ZNF230: variants seen among roughly 807,000 people sequenced by gnomAD.
ZNF230 encodes zinc finger protein FDZF2.
ZNF230 carries 12 observed loss-of-function variants against 10.0 expected under a neutral mutation model. That is an observed-to-expected ratio of 1.20 (90% confidence interval 0.77 to 1.95). The LOEUF is 1.95. ZNF230 is among the 30% of genes most tolerant of loss of function. The pLI is 0.00. For synonymous variants in ZNF230, 174 were observed against 193.6 expected (o/e 0.90, Z 0.84); for missense variants, 532 against 565.8 (o/e 0.94, Z 0.61).
chr19:44,006,022 A>G (rs1252502096), intron 1 of ZNF230, among the ~76,000 whole-genome samples: 1 of 150,984 alleles, frequency 6.6e-6, no homozygotes, highest in Non-Finnish European at 1.5e-5. Flanking sequence ...GAAAGATTCC[A>G]CAGTCTTTGT....
intron 4 of ZNF230, 90 bp from the exon 5 acceptor site, chr19:44,010,179 A>AAGTTGAATGC (rs546172321): frequency 1.4e-3 from 1,760 of 1,230,052 alleles, no homozygotes; most frequent in Admixed American, 2.6e-3. Context: ...ACATTCATTA[A>AAGTTGAATGC]AGTTGAATGC....
In ZNF230 at chr19:44,011,395, C is replaced by T; in HGVS notation, c.1356C>T (p.Asp452=). The change falls in exon 5 of 5, where the codon GAC becomes GAT. Residue 452 remains aspartate, a synonymous_variant. Coordinates refer to ENST00000429154, the MANE Select transcript of ZNF230 (RefSeq NM_006300.4). ...GAGAAAACTCATCCAAATGTGAGGA[C>T]TGTGGGAAGCGCTACAAGAGGCGCT... ...HNGENSSKCE[D]CGKRYKRRLN... 1 of 1,612,954 alleles carries T rather than the reference C, an allele frequency of 6.2e-7. No individual in the cohort carries two copies. The highest frequency in any genetic ancestry group is 8.5e-7 in the Non-Finnish European group (1 of 1,179,760).
chr19:44,010,529 G>A lies in ZNF230; in HGVS notation c.490G>A (p.Gly164Arg), dbSNP rs1288214072. The A allele has an allele frequency of 6.2e-6, 10 of 1,614,232 alleles. No individual in the cohort carries two copies. In the South Asian group the frequency reaches 9.9e-5, roughly 16 times the overall value. Residue 164 changes from glycine to arginine, a missense_variant, in exon 5 of 5, where the codon GGA becomes AGA. Physicochemically the swap from Gly to Arg is moderately radical, Grantham distance 125 (BLOSUM62 -2). Coordinates refer to ENST00000429154, the MANE Select transcript of ZNF230 (RefSeq NM_006300.4). ...IFDPPQQFHSGEKSHTCNECG... is the reference protein window; with the variant it reads ...IFDPPQQFHSREKSHTCNECG... ...TGATCCTCCTCAGCAGTTCCACTCA[G>A]GAGAGAAGTCTCATACATGCAATGA...
At chr19:44,005,109 G>A (rs1403793903) in intron 1 of ZNF230, among the ~76,000 whole-genome samples, 2 of 144,010 alleles carry the variant, frequency 1.4e-5, no homozygotes, top group African/African-American at 2.6e-5. Flanking sequence ...GCTAGGGAGC[G>A]AGACTCTGTC....
At chr19:44,005,141 A>C (rs904574700) in intron 1 of ZNF230, among the ~76,000 whole-genome samples, 1 of 152,130 alleles carries the variant, frequency 6.6e-6, no homozygotes, top group Non-Finnish European at 1.5e-5. Flanking sequence ...AAAATTAAAA[A>C]CTAAAAACAA....
chr19:44,012,651 C>T lies in ZNF230; in HGVS notation c.*1187C>T, dbSNP rs191458694. ...CCACTAGAATGTCAACTACAGGTAC[C>T]TTGTTTTCTGCATCCTCAGGACCTT... is the stretch of plus-strand genomic sequence containing the variant. On this transcript the variant is annotated 3_prime_UTR_variant, in exon 5 of 5. Transcript: ENST00000429154. 5.1e-4 allele frequency: 180 copies of T among 351,692 alleles called. 1 individual carries two copies. The highest frequency in any genetic ancestry group is 7.9e-4 in the Non-Finnish European group (141 of 179,180). The allele number at this position is 351,692 out of a possible 1,614,324, so 21.8% of individuals were successfully genotyped here.
chr19:44,006,288 T>C (rs1208005901), intron 1 of ZNF230, among the ~76,000 whole-genome samples: 3 of 152,166 alleles, frequency 2.0e-5, no homozygotes, highest in African/African-American at 7.2e-5. Context: ...TAAAGTTACC[T>C]TTTTTAAAAA....
intron 2 of ZNF230, among the ~76,000 whole-genome samples, chr19:44,008,072 T>C (rs1422701809): frequency 6.6e-6 from 1 of 152,126 alleles, no homozygotes; most frequent in Non-Finnish European, 1.5e-5. Flanking sequence ...CTAGAGTGGG[T>C]GGAGTCACGA....
intron 1 of ZNF230, among the ~76,000 whole-genome samples, chr19:44,005,686 C>T (rs889671117): frequency 1.3e-5 from 2 of 151,928 alleles, no homozygotes; most frequent in East Asian, 3.9e-4. Flanking sequence ...GTCAGGAGTT[C>T]GAGACCAGCC....
At position 44,010,723 on chromosome 19, in the gene ZNF230, A is replaced by G. The variant is rs13345807; in HGVS notation, c.684A>G (p.Gln228=). The change falls in exon 5 of 5, where the codon CAA becomes CAG. Residue 228 remains glutamine, a synonymous_variant. Transcript: ENST00000429154. ...HTGEKPFKCE[Q]CGKGFRCRAI... ...GAGAGAAACCATTCAAATGTGAGCA[A>G]TGTGGGAAAGGCTTCAGATGTAGAG... is the stretch of plus-strand genomic sequence containing the variant. The G allele has an allele frequency of 9.6e-3, 15,427 of 1,614,172 alleles. 1,283 individuals are homozygous for G. The African/African-American group carries it at 0.18, about 19-fold the overall frequency.
chr19:44,010,547 T>G lies in ZNF230; in HGVS notation c.508T>G (p.Cys170Gly), dbSNP rs73554168. 223 of 1,614,244 alleles carry G rather than the reference T, an allele frequency of 1.4e-4. 1 individual carries two copies. In the African/African-American group the frequency reaches 2.2e-3, roughly 16 times the overall value. Residue 170 changes from cysteine (C) to glycine (G), a missense_variant, in exon 5 of 5, where the codon TGC (cysteine) becomes GGC (glycine). By Grantham distance (159) the Cys-to-Gly change is radical. Transcript: ENST00000429154. ...CCACTCAGGAGAGAAGTCTCATACA[T>G]GCAATGAGTGTGGAAAAAGCTTCTG... ...QFHSGEKSHT[C>G]NECGKSFCYI...
At chr19:44,005,656 C>T (rs781192367) in intron 1 of ZNF230, among the ~76,000 whole-genome samples, 24 of 151,996 alleles carry the variant, frequency 1.6e-4, no homozygotes, top group Non-Finnish European at 3.2e-4. Context: ...TGGGAGGCAA[C>T]GGCGGGTGGA....
intron 4 of ZNF230, 151 bp downstream of exon 4, chr19:44,009,321 C>T (rs2147425464): frequency 3.6e-6 from 3 of 824,380 alleles, no homozygotes; most frequent in South Asian, 3.7e-5. Context: ...GTCCTGTTCC[C>T]TCCCTTCCAC....
At position 44,013,605 on chromosome 19, in the gene ZNF230, C is replaced by T. The variant is rs1211891286; in HGVS notation, c.*2141C>T. ...ACATAAGACCAATAAAATGAGGGAA[C>T]CAGACATACAGTAAAAGGAGAAAAA... On this transcript the variant is annotated 3_prime_UTR_variant, in exon 5 of 5. Transcript: ENST00000429154. 1 of 152,098 alleles carries T rather than the reference C, an allele frequency of 6.6e-6. No homozygotes were observed. The allele number at this position is 152,098 out of a possible 1,614,324, so 9.4% of individuals were successfully genotyped here.
intron 1 of ZNF230, chr19:44,004,203 T>C (rs1386437190): frequency 6.6e-6 from 1 of 152,258 alleles, no homozygotes; most frequent in African/African-American, 2.4e-5. Context: ...TGTGGAACTG[T>C]ATCATTGTGG....
At chr19:44,009,214 C>A in intron 4 of ZNF230, 44 bp downstream of exon 4, 1 of 1,599,438 alleles carries the variant, frequency 6.3e-7, no homozygotes, top group Non-Finnish European at 8.6e-7. Context: ...GACTTTCTTT[C>A]CCATTTGTTT....
intron 2 of ZNF230, among the ~76,000 whole-genome samples, chr19:44,007,499 T>C (rs1453304555): frequency 6.6e-6 from 1 of 152,178 alleles, no homozygotes; most frequent in East Asian, 1.9e-4. Context: ...GTCCATCAGA[T>C]AGTTAGTCCC....
In ZNF230 at chr19:44,012,821, G is replaced by T. The variant is rs1036972140; in HGVS notation, c.*1357G>T. On this transcript the variant is annotated 3_prime_UTR_variant, in exon 5 of 5. Coordinates refer to ENST00000429154, the MANE Select transcript of ZNF230 (RefSeq NM_006300.4). Reference sequence around the variant, plus strand: ...TAAAATGCAGAATACACTCAGTTCTGCAATCCAAAGCATTATTTTGGGTAA... The same window carrying T: ...TAAAATGCAGAATACACTCAGTTCTTCAATCCAAAGCATTATTTTGGGTAA... The T allele has an allele frequency of 5.4e-6, 1 of 184,550 alleles. No homozygotes were observed. The highest frequency in any genetic ancestry group is 6.1e-5 in the Admixed American group (1 of 16,266). 11.4% of individuals were successfully genotyped at this position (184,550 alleles called of 1,614,324 possible). A position where few individuals can be genotyped will look rare whatever the true frequency, so the allele number is the denominator to read the frequency against.
chr19:44,004,747 A>T (rs939053796), intron 1 of ZNF230: 2 of 147,224 alleles, frequency 1.4e-5, no homozygotes, highest in African/African-American at 2.5e-5. Context: ...AAAAAAAAAG[A>T]ATAAACTAGT....
Sources: gnomAD v4.1 joint callset for allele counts (sites outside exome capture counted in the v4.1 genomes callset) on GRCh38, gnomAD v4.1.1 for gene constraint, MANE v1.5 for transcripts, NCBI Gene and HGNC (gene_info 2026-07-23, HGNC 2026-07-21) for gene names.